The following UNC13C variants were observed in gnomAD, a reference collection of about 807,000 sequenced individuals.
UNC13C encodes the protein unc-13 homolog C.
Under a neutral mutation model 245.4 loss-of-function variants are expected in UNC13C, and 174 were observed. The ratio of observed to expected loss-of-function variants is 0.71; its 90% CI spans 0.63 to 0.80. The LOEUF is 0.80. Ranked by LOEUF, UNC13C falls within the 30% of genes least tolerant of loss-of-function variation. The pLI, the probability that UNC13C is intolerant of heterozygous loss-of-function variation, is 0.00. For missense variants in UNC13C, 2,829 were observed against 2,602.9 expected (o/e 1.09, Z -1.89); for synonymous variants, 992 against 895.1 (o/e 1.11, Z -1.93).
At chr15:54,509,348 AT>A (rs1196438010) in intron 23 of UNC13C, among the ~76,000 whole-genome samples, 1 of 152,214 alleles carries the variant, frequency 6.6e-6, no homozygotes, top group Non-Finnish European at 1.5e-5. Flanking sequence ...AAATATTTTT[AT>A]TTATTTAATT....
intron 30 of UNC13C, among the ~76,000 whole-genome samples, chr15:54,617,202 G>A (rs1900497793): frequency 6.6e-6 from 1 of 152,066 alleles, no homozygotes; most frequent in South Asian, 2.1e-4. Context: ...CAAAATAAAT[G>A]TCAGAAAATC....
upstream of UNC13C, among the ~76,000 whole-genome samples, chr15:53,974,147 AATGT>A (rs376700574): frequency 2.6e-3 from 394 of 152,314 alleles, 1 homozygote; most frequent in Middle Eastern, 0.014. Flanking sequence ...CAAATAAGAA[AATGT>A]ATGTAATAAC....
chr15:54,021,167 T>G (rs1160541669), intron 2 of UNC13C, among the ~76,000 whole-genome samples: 3 of 152,166 alleles, frequency 2.0e-5, no homozygotes, highest in African/African-American at 4.8e-5. Flanking sequence ...ATCCATCACC[T>G]TACATATTTT....
chr15:54,287,770 G>T (rs145914470), intron 10 of UNC13C, among the ~76,000 whole-genome samples: 1 of 152,118 alleles, frequency 6.6e-6, no homozygotes, highest in African/African-American at 2.4e-5. Flanking sequence ...GGAAGGAGGG[G>T]AGTGGTTTGA....
chr15:54,455,179 C>CTCTG (rs1891414815), intron 19 of UNC13C, among the ~76,000 whole-genome samples: 2 of 36,436 alleles, frequency 5.5e-5, no homozygotes, highest in Admixed American at 7.7e-4. Flanking sequence ...CTCTCTCTCT[C>CTCTG]TCTCTCTCTC....
At chr15:54,291,297 C>T (rs1381505045) in intron 10 of UNC13C, among the ~76,000 whole-genome samples, 1 of 151,962 alleles carries the variant, frequency 6.6e-6, no homozygotes, top group Non-Finnish European at 1.5e-5. Flanking sequence ...TTAGCTGCTC[C>T]AGACACAATG....
intron 4 of UNC13C, among the ~76,000 whole-genome samples, chr15:54,198,236 A>G (rs572207418): frequency 6.6e-6 from 1 of 152,112 alleles, no homozygotes; most frequent in African/African-American, 2.4e-5. Flanking sequence ...GTCTTTCTCT[A>G]CCTGCCCTGG....
intron 13 of UNC13C, among the ~76,000 whole-genome samples, chr15:54,316,342 G>C (rs1165284053): frequency 6.6e-6 from 1 of 151,722 alleles, no homozygotes; most frequent in African/African-American, 2.4e-5. Flanking sequence ...ATAGTGCCTT[G>C]ATTTGTACTT....
chr15:53,954,409 G>T, the UNC13C span, among the ~76,000 whole-genome samples: 1 of 152,140 alleles, frequency 6.6e-6, no homozygotes, highest in Admixed American at 6.5e-5. Context: ...TTAGTACCTG[G>T]TATTTGCCAA....
intron 24 of UNC13C, among the ~76,000 whole-genome samples, chr15:54,517,594 T>A (rs764450020): frequency 2.0e-5 from 3 of 152,142 alleles, no homozygotes; most frequent in Admixed American, 6.6e-5. Flanking sequence ...CTCTTGGGGC[T>A]GACTGCTGTA....
the UNC13C span, among the ~76,000 whole-genome samples, chr15:53,940,868 C>T: frequency 6.6e-6 from 1 of 152,160 alleles, no homozygotes; most frequent in Non-Finnish European, 1.5e-5. Context: ...TAATCAATGT[C>T]ATGAAAATGG....
intron 2 of UNC13C, chr15:54,050,333 C>T (rs532235777): frequency 8.7e-6 from 5 of 574,952 alleles, no homozygotes; most frequent in East Asian, 4.4e-5. Flanking sequence ...TGAATCAGGA[C>T]CCCACACTAC....
At chr15:54,480,717 T>C (rs1893059122) in intron 19 of UNC13C, among the ~76,000 whole-genome samples, 1 of 152,188 alleles carries the variant, frequency 6.6e-6, no homozygotes, top group Non-Finnish European at 1.5e-5. Flanking sequence ...TATTTCCTTT[T>C]CTATGAAATT....
chr15:54,328,296 T>C (rs1232113906), intron 14 of UNC13C, among the ~76,000 whole-genome samples: 2 of 145,390 alleles, frequency 1.4e-5, no homozygotes, highest in Non-Finnish European at 3.1e-5. Context: ...TTAACACTAA[T>C]TGAATTATTT....
chr15:53,975,224 C>G (rs1231121952), upstream of UNC13C, among the ~76,000 whole-genome samples: 1 of 152,192 alleles, frequency 6.6e-6, no homozygotes, highest in East Asian at 1.9e-4. Flanking sequence ...TGTTTTACTA[C>G]CATGTAATCT....
chr15:54,117,811 G>T (rs1038836756), intron 2 of UNC13C, among the ~76,000 whole-genome samples: 1 of 152,008 alleles, frequency 6.6e-6, no homozygotes, highest in Non-Finnish European at 1.5e-5. Context: ...AAACTCCTGA[G>T]CTCAAGTGAT....
intron 2 of UNC13C, among the ~76,000 whole-genome samples, chr15:54,076,428 G>A (rs1898629815): frequency 6.6e-6 from 1 of 151,882 alleles, no homozygotes; most frequent in Non-Finnish European, 1.5e-5. Context: ...TCCCTACAAA[G>A]GACATGAACT....
chr15:54,332,845 A>AT (rs1002469925), intron 15 of UNC13C, among the ~76,000 whole-genome samples: 75 of 152,134 alleles, frequency 4.9e-4, no homozygotes, highest in African/African-American at 1.8e-3. Context: ...CCATGCATTC[A>AT]TTTTTAATTA....
chr15:54,475,452 C>A (rs1892684463), intron 19 of UNC13C, among the ~76,000 whole-genome samples: 1 of 151,488 alleles, frequency 6.6e-6, no homozygotes, highest in South Asian at 2.1e-4. Context: ...TGCTATCCCT[C>A]CCCTCTCCCC....
Sources: gnomAD v4.1 joint callset for allele counts (sites outside exome capture counted in the v4.1 genomes callset) on GRCh38, gnomAD v4.1.1 for gene constraint, MANE v1.5 for transcripts, NCBI Gene and HGNC (gene_info 2026-07-23, HGNC 2026-07-21) for gene names.